MBTPS2: variants seen among roughly 807,000 people sequenced by gnomAD.
The protein encoded by MBTPS2 is membrane bound transcription factor peptidase, site 2.
In MBTPS2, 2 loss-of-function variants were observed where a neutral mutation model predicts 35.4. That is an observed-to-expected ratio of 0.06 (90% CI 0.02 to 0.18). The LOEUF is 0.18. Ranked by LOEUF, MBTPS2 falls within the 10% of genes least tolerant of loss-of-function variation. The probability of loss-of-function intolerance (pLI) is 1.00; values close to 1 mark genes in which losing one functional copy is unlikely to be tolerated. For missense variants in MBTPS2, 244 were observed against 386.5 expected (o/e 0.63, Z 3.09); for synonymous variants, 125 against 140.4 (o/e 0.89, Z 0.77).
rs1408411171 is a variant in MBTPS2 at position 21,845,151 on chromosome X, A to AT, written c.225-13dup. ...TTGAGAGAAATTGTAAATTAACATG[A>AT]TTTTTTTCCCTTTTGACAGGTTCAA... On this transcript the variant is annotated intron_variant, in intron 2 of 10. Coordinates refer to ENST00000379484, the MANE Select transcript of MBTPS2 (RefSeq NM_015884.4). The AT allele has an allele frequency of 8.3e-7, 1 of 1,209,448 alleles. No homozygotes were observed. The highest frequency in any genetic ancestry group is 1.8e-5 in the South Asian group (1 of 56,911).
intron 2 of MBTPS2, among the ~76,000 whole-genome samples, chrX:21,844,824 T>C (rs2092906821): frequency 8.9e-6 from 1 of 112,092 alleles, no homozygotes; most frequent in Admixed American, 9.5e-5. Context: ...AAGAGGTAGA[T>C]GAAAAAGGAT....
At chrX:21,866,059 C>T (rs1032443266) in intron 5 of MBTPS2, among the ~76,000 whole-genome samples, 1 of 111,432 alleles carries the variant, frequency 9.0e-6, no homozygotes, top group Non-Finnish European at 1.9e-5. Context: ...CCCACCTCAG[C>T]CTCCCAAAAT....
intron 5 of MBTPS2, among the ~76,000 whole-genome samples, chrX:21,859,087 A>G (rs1414265501): frequency 9.0e-6 from 1 of 111,386 alleles, no homozygotes; most frequent in Non-Finnish European, 1.9e-5. Context: ...TAGACTTCAC[A>G]TCAAGAGACA....
intron 5 of MBTPS2, among the ~76,000 whole-genome samples, chrX:21,863,225 G>A (rs1429158276): frequency 6.4e-5 from 6 of 93,421 alleles, no homozygotes; most frequent in African/African-American, 2.4e-4. Context: ...CCGAGATCAC[G>A]CCGTTGCACT....
rs1272693683 is a variant in MBTPS2 at position 21,853,367 on chromosome X, A to T, written c.543-9A>T. On this transcript the variant is annotated splice_polypyrimidine_tract_variant and intron_variant, in intron 4 of 10. Coordinates refer to ENST00000379484, the MANE Select transcript of MBTPS2 (RefSeq NM_015884.4). ...TTAGTAAACTCCTTTTTCTTATGTGATTTCTTAGGGAACAAGTTCGATTTA... is the reference window on the plus strand; with the variant it reads ...TTAGTAAACTCCTTTTTCTTATGTGTTTTCTTAGGGAACAAGTTCGATTTA... 8.5e-7 allele frequency: 1 copy of T among 1,179,827 alleles called. No individual in the cohort carries two copies. Among genetic ancestry groups the T allele is most frequent in the African/African-American group, 1.8e-5 (1 of 57,081 alleles).
At chrX:21,870,096 C>T (rs2092945425) in intron 7 of MBTPS2, 1 of 117,438 alleles carries the variant, frequency 8.5e-6, no homozygotes, top group African/African-American at 3.3e-5. Context: ...CAAAAATTAG[C>T]AGGGCATGGT....
At position 21,839,643 on chromosome X, in the gene MBTPS2, G is replaced by A; in HGVS notation, c.-92G>A. The A allele has an allele frequency of 1.1e-6, 1 of 942,556 alleles. No homozygotes were observed. Among genetic ancestry groups the A allele is most frequent in the Non-Finnish European group, 1.5e-6 (1 of 668,863 alleles). The allele number at this position is 942,556 out of a possible 1,213,427, so 77.7% of individuals were successfully genotyped here. A position where few individuals can be genotyped will look rare whatever the true frequency, so the allele number is the denominator to read the frequency against. ...GCGGTAGCTTGGTTCCTGAGCGGAT[G>A]CTGGGGCTGTAAGGCGCGCGCGGTC... On this transcript the variant is annotated 5_prime_UTR_variant, in exon 1 of 11. The change abolishes an upstream ATG in the 5' untranslated region. Coordinates refer to ENST00000379484, the MANE Select transcript of MBTPS2 (RefSeq NM_015884.4).
At chrX:21,879,825 T>C (rs1172896803) in intron 9 of MBTPS2, among the ~76,000 whole-genome samples, 2 of 110,969 alleles carry the variant, frequency 1.8e-5, no homozygotes, top group Non-Finnish European at 1.9e-5. Context: ...TTTCAAGGTT[T>C]ATCTGTGTTG....
At chrX:21,856,531 C>T (rs779342736) in intron 5 of MBTPS2, 2 of 1,211,272 alleles carry the variant, frequency 1.7e-6, no homozygotes, top group Non-Finnish European at 2.2e-6. Context: ...CTGGAGATCC[C>T]GGCAGATATT....
Position 21,842,842 on chromosome X carries a change from G to C in MBTPS2, c.76-328G>C, listed in dbSNP as rs6528056. Reference sequence around the variant, plus strand: ...AGTATTTTAGGCTTTTTGGGCCACAGAGGGTCTCTGTCGCATATTTTTGGT... The same window carrying C: ...AGTATTTTAGGCTTTTTGGGCCACACAGGGTCTCTGTCGCATATTTTTGGT... On this transcript the variant is annotated intron_variant, in intron 1 of 10. Transcript: ENST00000379484. Among the ~76,000 whole-genome samples, 48,944 of 109,885 alleles carry C rather than the reference G, an allele frequency of 0.45. 8,131 individuals are homozygous for C. The highest frequency in any genetic ancestry group is 0.59 in the East Asian group (2,030 of 3,456).
intron 5 of MBTPS2, chrX:21,857,644 G>T: frequency 8.7e-7 from 1 of 1,151,704 alleles, no homozygotes; most frequent in Non-Finnish European, 1.2e-6. Context: ...TTATCTTCCA[G>T]GACTGCGGTA....
intron 3 of MBTPS2, among the ~76,000 whole-genome samples, chrX:21,848,563 C>T (rs2092911085): frequency 9.2e-6 from 1 of 108,929 alleles, no homozygotes; most frequent in Admixed American, 9.8e-5. Flanking sequence ...GCATGTAGTC[C>T]CAGCTACTGT....
At chrX:21,881,661 C>T (rs941886001) in intron 10 of MBTPS2, among the ~76,000 whole-genome samples, 7 of 111,231 alleles carry the variant, frequency 6.3e-5, no homozygotes, top group African/African-American at 9.8e-5. Context: ...TGTGGCCAGG[C>T]GCGGTGGCTC....
chrX:21,871,983 G>C (rs1324914305), intron 7 of MBTPS2: 3 of 109,255 alleles, frequency 2.7e-5, no homozygotes, highest in Admixed American at 9.8e-5. Flanking sequence ...ATTGTTCTCT[G>C]TTTTAATGGT....
intron 5 of MBTPS2, among the ~76,000 whole-genome samples, chrX:21,867,632 C>CTT (rs11290067): frequency 3.1e-4 from 26 of 84,286 alleles, no homozygotes; most frequent in South Asian, 1.1e-3. Flanking sequence ...ACGGTTTTCT[C>CTT]TTTTTTTTTT....
intron 5 of MBTPS2, among the ~76,000 whole-genome samples, chrX:21,866,534 C>T (rs768604058): frequency 4.5e-4 from 50 of 111,283 alleles, no homozygotes; most frequent in Non-Finnish European, 8.9e-4. Flanking sequence ...AAGAAAAGAT[C>T]TCATTCAGAA....
In MBTPS2 at chrX:21,845,063, T is replaced by A. The variant is rs370370079; in HGVS notation, c.225-108T>A. The A allele has an allele frequency of 5.0e-5, 58 of 1,161,360 alleles. 1 individual carries two copies. The Middle Eastern group carries it at 1.2e-3, about 24-fold the overall frequency. On this transcript the variant is annotated intron_variant, in intron 2 of 10. Coordinates refer to ENST00000379484, the MANE Select transcript of MBTPS2 (RefSeq NM_015884.4). The stretch of plus-strand genomic sequence containing the variant: ...GGAAAAAGAAGCAGAGTTACTGAAA[T>A]TTTTTAGCCATTATTTTAAAGCTAT...
At chrX:21,839,945 C>A in intron 1 of MBTPS2, 136 bp downstream of exon 1, 1 of 598,918 alleles carries the variant, frequency 1.7e-6, no homozygotes, top group Non-Finnish European at 2.7e-6. Flanking sequence ...TGGATCGGCC[C>A]GGTGGAGTAA....
At chrX:21,875,651 A>G (rs748656967) in intron 7 of MBTPS2, among the ~76,000 whole-genome samples, 3 of 112,666 alleles carry the variant, frequency 2.7e-5, no homozygotes, top group African/African-American at 9.7e-5. Context: ...TATTCAGTGT[A>G]TATTGAGTAA....
Sources: gnomAD v4.1 joint callset for allele counts (sites outside exome capture counted in the v4.1 genomes callset) on GRCh38, gnomAD v4.1.1 for gene constraint, MANE v1.5 for transcripts, NCBI Gene and HGNC (gene_info 2026-07-23, HGNC 2026-07-21) for gene names.